ZNF324B: variants seen among roughly 807,000 people sequenced by gnomAD.
ZNF324B encodes zinc finger protein 324B.
Under a neutral mutation model 10.6 loss-of-function variants are expected in ZNF324B, and 7 were observed. The observed-to-expected ratio is 0.66, with a 90% confidence interval of 0.38 to 1.24. ZNF324B has a LOEUF of 1.24. ZNF324B is among the 50% of genes most tolerant of loss of function. The probability of loss-of-function intolerance (pLI) is 0.02; values close to 1 mark genes in which losing one functional copy is unlikely to be tolerated. For synonymous variants in ZNF324B, 316 were observed against 321.0 expected, an observed-to-expected ratio of 0.98 and a Z score of 0.17; for missense variants, 640 against 764.7, an observed-to-expected ratio of 0.84 and a Z score of 1.92.
chr19:58,432,504 T>C, the ZNF324B span, among the ~76,000 whole-genome samples: 1 of 152,054 alleles, frequency 6.6e-6, no homozygotes. Context: ...GCACATAGAG[T>C]CCTCCATGGA....
At chr19:58,436,132 A>G in the ZNF324B span, among the ~76,000 whole-genome samples, 1 of 152,234 alleles carries the variant, frequency 6.6e-6, no homozygotes, top group Non-Finnish European at 1.5e-5. Flanking sequence ...ACGTAAATCT[A>G]TATAGTCAGA....
upstream of ZNF324B, chr19:58,451,594 T>C (rs769335398): frequency 2.3e-5 from 12 of 516,524 alleles, no homozygotes; most frequent in Non-Finnish European, 3.5e-5. Flanking sequence ...ATGTGAGCTC[T>C]GGGGGCTGGA....
At chr19:58,435,655 CAG>C in the ZNF324B span, 653 of 160,428 alleles carry the variant, frequency 4.1e-3, 6 homozygotes, top group African/African-American at 0.015. Context: ...ACACTGCAGA[CAG>C]GGATGTAAAA....
chr19:58,441,291 G>A, the ZNF324B span: 40 of 152,602 alleles, frequency 2.6e-4, no homozygotes, highest in African/African-American at 9.4e-4. Flanking sequence ...TGGAGAAGGT[G>A]GTTGTAGTGG....
the ZNF324B span, chr19:58,437,924 C>G: frequency 2.4e-6 from 1 of 413,966 alleles, no homozygotes. Context: ...TATGTGTTGT[C>G]TCCTCCCCAG....
chr19:58,444,043 C>G, the ZNF324B span: 1 of 152,246 alleles, frequency 6.6e-6, no homozygotes, highest in East Asian at 1.9e-4. Flanking sequence ...TGCACCAGTT[C>G]TGTTGAGTGG....
chr19:58,436,168 C>G, the ZNF324B span: 1 of 153,554 alleles, frequency 6.5e-6, no homozygotes. Context: ...TGCCTAGGAC[C>G]GGGGGGAAAG....
intron 3 of ZNF324B, 84 bp downstream of exon 3, chr19:58,454,428 T>G (rs558746466): frequency 1.2e-6 from 1 of 858,340 alleles, no homozygotes; most frequent in South Asian, 1.4e-5. Context: ...TGGAAACACA[T>G]CCTCCTCTCC....
At chr19:58,426,168 T>C in the ZNF324B span, among the ~76,000 whole-genome samples, 2 of 152,192 alleles carry the variant, frequency 1.3e-5, no homozygotes, top group South Asian at 2.1e-4. Flanking sequence ...GGCTGACTTC[T>C]CTGAGTGCCA....
chr19:58,455,251 C>G lies in ZNF324B; in HGVS notation c.307C>G (p.Pro103Ala), dbSNP rs779603168. ...EWPRAFPDTP[P>A]GMTTSVFPVA... ...GCCACGAGCTTTCCCAGATACCCCA[C>G]CTGGGATGACTACTAGCGTCTTCCC... The change falls in exon 4 of 4, where the codon CCT (proline) becomes GCT (alanine). Residue 103 changes from proline (P) to alanine (A), a missense_variant. By Grantham distance (27) the Pro-to-Ala change is conservative. This residue lies in a region of ZNF324B where 345 missense variants were observed against 387.9 expected (regional missense o/e 0.89). Transcript: ENST00000336614. This position sits in a 1 kb window ranked among gnomAD's most constrained non-coding sequence, Gnocchi z 7.0. The G allele has an allele frequency of 6.2e-7, 1 of 1,614,198 alleles. No individual in the cohort carries two copies. Among genetic ancestry groups the G allele is most frequent in the East Asian group, 2.2e-5 (1 of 44,878 alleles).
At chr19:58,420,409 ACT>A in the ZNF324B span, among the ~76,000 whole-genome samples, 1 of 149,208 alleles carries the variant, frequency 6.7e-6, no homozygotes, top group Non-Finnish European at 1.5e-5. Context: ...ACAAAGCAAG[ACT>A]CTGTCTCAAA....
chr19:58,437,616 C>A, the ZNF324B span: 1 of 841,082 alleles, frequency 1.2e-6, no homozygotes, highest in Admixed American at 6.2e-5. Context: ...GGTTCACATT[C>A]TCTCACCTTT....
intron 3 of ZNF324B, chr19:58,454,903 G>A (rs1355814677): frequency 1.5e-5 from 9 of 592,668 alleles, no homozygotes; most frequent in African/African-American, 1.1e-4. Context: ...GTGTGGAGAC[G>A]TGGGTGGCAC....
the ZNF324B span, chr19:58,434,650 G>T: frequency 6.2e-7 from 1 of 1,614,220 alleles, no homozygotes; most frequent in Non-Finnish European, 8.5e-7. Flanking sequence ...TGTTGGGCAT[G>T]TAAATGGTAT....
chr19:58,433,623 G>T, the ZNF324B span: 1 of 1,614,194 alleles, frequency 6.2e-7, no homozygotes, highest in Non-Finnish European at 8.5e-7. Flanking sequence ...TTCGGCTAAA[G>T]AATTTCCCAC....
the ZNF324B span, chr19:58,429,381 T>C: frequency 6.6e-6 from 1 of 152,276 alleles, no homozygotes; most frequent in Non-Finnish European, 1.5e-5. Flanking sequence ...TTTTCTTCTA[T>C]TTTAGATGGA....
rs899985232 is a variant in ZNF324B at position 58,456,251 on chromosome 19, G to A, written c.1307G>A (p.Arg436His). The A allele has an allele frequency of 3.8e-5, 62 of 1,612,834 alleles. No homozygotes were observed. The highest frequency in any genetic ancestry group is 1.1e-4 in the South Asian group (10 of 91,032). The change falls in exon 4 of 4, where the codon CGC (arginine) becomes CAC (histidine). Residue 436 changes from arginine (R) to histidine (H), a missense_variant. By Grantham distance (29) the Arg-to-His change is conservative (BLOSUM62 0). Coordinates refer to ENST00000336614, the MANE Select transcript of ZNF324B (RefSeq NM_207395.3). The surrounding 1 kb of genome is among the most constrained non-coding windows in gnomAD (Gnocchi z 4.7). ...ACAQCGRSFS[R>H]SSNLTQHQLL... ...GCCCAGTGCGGCCGCTCCTTTAGCCGCAGCTCCAACCTCACCCAGCACCAG... is the reference window on the plus strand; with the variant it reads ...GCCCAGTGCGGCCGCTCCTTTAGCCACAGCTCCAACCTCACCCAGCACCAG...
upstream of ZNF324B, among the ~76,000 whole-genome samples, chr19:58,449,387 C>T (rs2052840692): frequency 6.6e-6 from 1 of 152,234 alleles, no homozygotes; most frequent in African/African-American, 2.4e-5. Context: ...ACTGAGTCCC[C>T]ACTGGGGTAC....
At chr19:58,453,057 G>T (rs12462497) in intron 1 of ZNF324B, 14,311 of 151,688 alleles carry the variant, frequency 0.094, 1,046 homozygotes, top group East Asian at 0.38. Flanking sequence ...CCTGGGTGAC[G>T]GAGTGAGACT....
Sources: allele counts gnomAD v4.1 joint callset (sites outside exome capture counted in the v4.1 genomes callset), GRCh38; gene constraint gnomAD v4.1.1; regional missense constraint gnomAD v4.1.1; non-coding constraint Gnocchi (gnomAD v3.1); transcripts MANE v1.5; gene names NCBI Gene and HGNC (gene_info 2026-07-23, HGNC 2026-07-21).